The following RTN3 variants were observed in gnomAD, a reference collection of about 807,000 sequenced individuals.
The protein encoded by RTN3 is reticulon-3.
RTN3 carries 49 observed loss-of-function variants against 77.8 expected under a neutral mutation model. The observed-to-expected ratio is 0.63, with a 90% confidence interval of 0.50 to 0.80. The LOEUF is 0.80. Ranked by LOEUF, RTN3 falls within the 30% of genes least tolerant of loss-of-function variation. RTN3 has a pLI of 0.00. For synonymous variants in RTN3, 464 were observed against 446.9 expected, an observed-to-expected ratio of 1.04 and a Z score of -0.48; for missense variants, 1,236 against 1,211.9, an observed-to-expected ratio of 1.02 and a Z score of -0.29.
intron 3 of RTN3, among the ~76,000 whole-genome samples, chr11:63,727,481 AAG>A (rs150728846): frequency 0.11 from 16,045 of 152,278 alleles, 995 homozygotes; most frequent in South Asian, 0.16. Context: ...CGAAACAAAA[AAG>A]AGTCAGGTGG....
At position 63,696,267 on chromosome 11, in the gene RTN3, C is replaced by T. The variant is rs184620957; in HGVS notation, c.143-8584C>T. 1.9e-3 allele frequency among the ~76,000 whole-genome samples: 293 copies of T among 151,678 alleles called. 2 individuals carry two copies. Among genetic ancestry groups the T allele is most frequent in the African/African-American group, 6.6e-3 (274 of 41,368 alleles). ...GAAAAATTAGCCAGACGTGATGGTG[C>T]GTACCTGTAATCCCAGCTACTCAGG... is the stretch of plus-strand genomic sequence containing the variant. On this transcript the variant is annotated intron_variant, in intron 1 of 8. Coordinates refer to ENST00000377819, the MANE Select transcript of RTN3 (RefSeq NM_001265589.2).
chr11:63,731,727 A>G (rs1447945077), intron 3 of RTN3, among the ~76,000 whole-genome samples: 1 of 152,186 alleles, frequency 6.6e-6, no homozygotes, highest in Non-Finnish European at 1.5e-5. Flanking sequence ...ATCCCGGCTC[A>G]CTGCAACCTC....
At chr11:63,691,348 T>TGACCTCAGGAGATCCACCCTCCTTGGC (rs1241546096) in intron 1 of RTN3, among the ~76,000 whole-genome samples, 2 of 152,076 alleles carry the variant, frequency 1.3e-5, no homozygotes, top group East Asian at 3.9e-4. Context: ...CTTGAACTCC[T>TGACCTCAGGAGATCCACCCTCCTTGGC]GACCTCAGGA....
chr11:63,709,094 G>A (rs1464637472), intron 2 of RTN3, among the ~76,000 whole-genome samples: 1 of 152,138 alleles, frequency 6.6e-6, no homozygotes, highest in Non-Finnish European at 1.5e-5. Context: ...ATAGAGGGAG[G>A]ATGCCAAAGC....
At chr11:63,752,438 C>T in intron 4 of RTN3, 69 bp from the exon 5 acceptor site, 3 of 1,471,912 alleles carry the variant, frequency 2.0e-6, no homozygotes, top group Non-Finnish European at 2.8e-6. Flanking sequence ...TTTACATTCT[C>T]AGTAACTACT....
At chr11:63,721,102 T>G (rs2011759691) in intron 3 of RTN3, 70 bp downstream of exon 3, 1 of 1,380,548 alleles carries the variant, frequency 7.2e-7, no homozygotes, top group Non-Finnish European at 9.8e-7. Context: ...GTGCCATTTA[T>G]GTTAGTCTGA....
chr11:63,691,379 C>G (rs965088345), intron 1 of RTN3, among the ~76,000 whole-genome samples: 2 of 152,126 alleles, frequency 1.3e-5, no homozygotes, highest in South Asian at 4.1e-4. Flanking sequence ...CCTTGGCCTC[C>G]TAAAATGCTG....
chr11:63,685,710 T>C (rs573376640), intron 1 of RTN3, among the ~76,000 whole-genome samples: 5 of 152,276 alleles, frequency 3.3e-5, no homozygotes, highest in African/African-American at 1.2e-4. Context: ...TCTGTACGTA[T>C]TGCTGTCATC....
rs1392987685 is a variant in RTN3 at position 63,719,667 on chromosome 11, G to T, written c.1165G>T (p.Val389Leu). ...LKTSTHQKTP[V>L]CSIDGSTPIT... ...AACTAGCACTCATCAGAAAACTCCT[G>T]TATGTTCTATTGATGGGAGCACTCC... Residue 389 changes from valine (V) to leucine (L), a missense_variant, in exon 3 of 9, where the codon GTA becomes TTA. By Grantham distance (32) the Val-to-Leu change is conservative. Coordinates refer to ENST00000377819, the MANE Select transcript of RTN3 (RefSeq NM_001265589.2). 1 of 1,613,954 alleles carries T rather than the reference G, an allele frequency of 6.2e-7. No individual in the cohort carries two copies. The highest frequency in any genetic ancestry group is 8.5e-7 in the Non-Finnish European group (1 of 1,180,028).
intron 3 of RTN3, among the ~76,000 whole-genome samples, chr11:63,745,820 G>T (rs2013761483): frequency 6.6e-6 from 1 of 152,064 alleles, no homozygotes; most frequent in Non-Finnish European, 1.5e-5. Context: ...TTGCACAAAG[G>T]TCTTTTTTGA....
chr11:63,704,963 C>A, intron 2 of RTN3, 56 bp downstream of exon 2: 1 of 1,306,466 alleles, frequency 7.7e-7, no homozygotes, highest in Non-Finnish European at 1.1e-6. Context: ...GAGAAAGAGG[C>A]TGTAACTGGG....
chr11:63,741,910 G>T (rs1217290946), intron 3 of RTN3, among the ~76,000 whole-genome samples: 1 of 151,652 alleles, frequency 6.6e-6, no homozygotes, highest in Non-Finnish European at 1.5e-5. Flanking sequence ...CTTGATAATG[G>T]TAGCTTTATA....
chr11:63,697,277 T>C (rs1942007854), intron 1 of RTN3, among the ~76,000 whole-genome samples: 1 of 151,754 alleles, frequency 6.6e-6, no homozygotes, highest in Non-Finnish European at 1.5e-5. Context: ...TGGAATTAGA[T>C]TTTCAGCAGG....
At chr11:63,746,842 A>C (rs925451747) in intron 3 of RTN3, 112 of 388,420 alleles carry the variant, frequency 2.9e-4, no homozygotes, top group Middle Eastern at 2.2e-3. Context: ...TAATTTAGGA[A>C]ATTAAACATT....
rs2957256 is a variant in RTN3, at chr11:63,736,580, C to T, written c.2531-13411C>T. ...GCACACACCTGTAGTCCCAGCTACT[C>T]GGGAGGCTGAGGCAGTAGAATCGCT... On this transcript the variant is annotated intron_variant, in intron 3 of 8. Transcript: ENST00000377819. Among the ~76,000 whole-genome samples, 1,004 of 152,048 alleles carry T rather than the reference C, an allele frequency of 6.6e-3. 11 individuals carry two copies. The highest frequency in any genetic ancestry group is 0.023 in the African/African-American group (950 of 41,490).
intron 1 of RTN3, among the ~76,000 whole-genome samples, chr11:63,689,729 T>A (rs1941557165): frequency 6.6e-6 from 1 of 151,952 alleles, no homozygotes; most frequent in Non-Finnish European, 1.5e-5. Flanking sequence ...TGGCCCACTC[T>A]TGTGATTTTT....
At chr11:63,733,285 C>T (rs981338913) in intron 3 of RTN3, among the ~76,000 whole-genome samples, 2 of 152,014 alleles carry the variant, frequency 1.3e-5, no homozygotes, top group Non-Finnish European at 2.9e-5. Context: ...GTCAGGAGAT[C>T]GAGACCATCC....
At chr11:63,717,703 T>C (rs2011489867) in intron 2 of RTN3, among the ~76,000 whole-genome samples, 1 of 152,032 alleles carries the variant, frequency 6.6e-6, no homozygotes, top group African/African-American at 2.4e-5. Context: ...TTGATTTAAA[T>C]GACAAGTTAG....
chr11:63,692,521 G>A (rs1338273218), intron 1 of RTN3, among the ~76,000 whole-genome samples: 1 of 152,000 alleles, frequency 6.6e-6, no homozygotes, highest in African/African-American at 2.4e-5. Context: ...CACTTTGGGA[G>A]GCTGAGGCAG....
Sources: gnomAD v4.1 joint callset for allele counts (sites outside exome capture counted in the v4.1 genomes callset) on GRCh38, gnomAD v4.1.1 for gene constraint, MANE v1.5 for transcripts, NCBI Gene and HGNC (gene_info 2026-07-23, HGNC 2026-07-21) for gene names.